Variants in LIPA observed in about 807,000 individuals in gnomAD.
LIPA encodes the protein lysosomal acid lipase/cholesteryl ester hydrolase.
In LIPA, 26 loss-of-function variants were observed where a neutral mutation model predicts 40.6. That is an observed-to-expected ratio of 0.64 (90% CI 0.47 to 0.89). The LOEUF is 0.89. Ranked by LOEUF, LIPA falls within the 40% of genes least tolerant of loss-of-function variation. The probability of loss-of-function intolerance (pLI) is 0.00; values close to 1 mark genes in which losing one functional copy is unlikely to be tolerated. For missense variants in LIPA, 455 were observed against 479.6 expected (o/e 0.95, Z 0.48); for synonymous variants, 188 against 168.4 (o/e 1.12, Z -0.90).
At chr10:89,310,564 A>T (rs557988880) in intron 1 of LIPA, among the ~76,000 whole-genome samples, 1 of 152,202 alleles carries the variant, frequency 6.6e-6, no homozygotes, top group African/African-American at 2.4e-5. Flanking sequence ...TTAATAGTGC[A>T]GCTACCTCAT....
intron 2 of LIPA, chr10:89,412,735 A>G (rs1161741040): frequency 4.3e-5 from 19 of 438,210 alleles, no homozygotes; most frequent in Admixed American, 2.8e-4. Context: ...GATCTGTAAC[A>G]CTCACTGTGA....
intron 1 of LIPA, among the ~76,000 whole-genome samples, chr10:89,304,350 A>C (rs1843464595): frequency 6.6e-6 from 1 of 152,164 alleles, no homozygotes; most frequent in Non-Finnish European, 1.5e-5. Context: ...ATGTCCAAAC[A>C]GATCTGTTTT....
At chr10:89,218,006 T>A (rs1842649511) in intron 8 of LIPA, among the ~76,000 whole-genome samples, 1 of 150,436 alleles carries the variant, frequency 6.6e-6, no homozygotes, top group African/African-American at 2.4e-5. Context: ...TCATAAATAA[T>A]ACTAAGTGGA....
At chr10:89,370,488 C>T (rs1328347493) in intron 2 of LIPA, among the ~76,000 whole-genome samples, 1 of 151,988 alleles carries the variant, frequency 6.6e-6, no homozygotes, top group Non-Finnish European at 1.5e-5. Flanking sequence ...TCCCAATTGG[C>T]CTTGGAAAGT....
intron 1 of LIPA, among the ~76,000 whole-genome samples, chr10:89,298,851 T>C (rs1050101899): frequency 2.0e-5 from 3 of 151,892 alleles, no homozygotes; most frequent in African/African-American, 7.3e-5. Flanking sequence ...CCAGGCACGG[T>C]GGTACATGCC....
chr10:89,292,196 TTTC>T (rs1361375781), intron 1 of LIPA: 1 of 152,214 alleles, frequency 6.6e-6, no homozygotes, highest in African/African-American at 2.4e-5. Context: ...GATAGCAATA[TTTC>T]TTCTTCTTTT....
chr10:89,226,789 A>G, intron 5 of LIPA, 106 bp downstream of exon 5: 3 of 715,788 alleles, frequency 4.2e-6, no homozygotes, highest in South Asian at 3.1e-5. Context: ...GCATTTAAAA[A>G]TAAATGGAAT....
At position 89,277,868 on chromosome 10, in the gene LIPA, C is replaced by T. The variant is rs530673407; in HGVS notation, c.-1-30219G>A. On this transcript the variant is annotated intron_variant, in intron 1 of 5. Coordinates refer to the LIPA transcript ENST00000282673. ...TCGTTGTTTTCAAAAATAAACAAACCCCTCCCCACTCTTTCCTTTCTCTTG... is the reference window on the plus strand; with the variant it reads ...TCGTTGTTTTCAAAAATAAACAAACTCCTCCCCACTCTTTCCTTTCTCTTG... 1.1e-4 allele frequency: 16 copies of T among 151,804 alleles called. No homozygotes were observed. In the East Asian group the frequency reaches 2.9e-3, roughly 28 times the overall value. The allele number at this position is 151,804 out of a possible 1,614,324, so 9.4% of individuals were successfully genotyped here.
intron 2 of LIPA, among the ~76,000 whole-genome samples, chr10:89,365,161 A>C (rs1467827065): frequency 6.6e-6 from 1 of 152,202 alleles, no homozygotes; most frequent in Non-Finnish European, 1.5e-5. Context: ...GTTTTATTCA[A>C]AAGAACATTA....
At position 89,214,215 on chromosome 10, in the gene LIPA, A is replaced by T. The variant is rs1842589310; in HGVS notation, c.*613T>A. 1 of 152,458 alleles carries T rather than the reference A, an allele frequency of 6.6e-6. No individual in the cohort carries two copies. Among genetic ancestry groups the T allele is most frequent in the African/African-American group, 2.4e-5 (1 of 41,432 alleles). 9.4% of individuals were successfully genotyped at this position (152,458 alleles called of 1,614,324 possible). On this transcript the variant is annotated 3_prime_UTR_variant, in exon 10 of 10. Transcript: ENST00000336233. Reference sequence around the variant, plus strand: ...ACTATTTCATTTAACCTGAGCAATTAAAACGTGTCAAATCACAGCTGTCAC... The same window carrying T: ...ACTATTTCATTTAACCTGAGCAATTTAAACGTGTCAAATCACAGCTGTCAC...
chr10:89,229,790 G>A (rs11813977), intron 3 of LIPA, among the ~76,000 whole-genome samples: 23,832 of 150,606 alleles, frequency 0.16, 2,147 homozygotes, highest in African/African-American at 0.24. Context: ...TGTAAACTAC[G>A]GACTTTGTGT....
intron 2 of LIPA, among the ~76,000 whole-genome samples, chr10:89,380,103 C>CATT (rs1844152288): frequency 6.6e-6 from 1 of 151,910 alleles, no homozygotes; most frequent in African/African-American, 2.4e-5. Flanking sequence ...GCAAGCCTTT[C>CATT]ATTCCCTGCT....
chr10:89,251,927 A>ACCAGCGCTGCCGCTTG (rs1172715533), upstream of LIPA: 1 of 153,434 alleles, frequency 6.5e-6, no homozygotes, highest in East Asian at 1.9e-4. Flanking sequence ...TCCGCCCCAG[A>ACCAGCGCTGCCGCTTG]CCAGCGCTGC....
intron 1 of LIPA, chr10:89,340,557 C>CG (rs758051343): frequency 8.2e-5 from 5 of 60,648 alleles, no homozygotes; most frequent in Middle Eastern, 8.8e-3. Flanking sequence ...GACTCCATCT[C>CG]AAAAAAAAAA....
intron 8 of LIPA, among the ~76,000 whole-genome samples, chr10:89,216,437 G>T (rs1842628504): frequency 6.7e-6 from 1 of 150,114 alleles, no homozygotes; most frequent in South Asian, 2.1e-4. Context: ...TAGAGAGAGA[G>T]AGAGAGAGAT....
At chr10:89,249,145 A>G (rs887590158) in intron 1 of LIPA, among the ~76,000 whole-genome samples, 3 of 152,192 alleles carry the variant, frequency 2.0e-5, no homozygotes, top group Non-Finnish European at 4.4e-5. Context: ...CATTCATGGG[A>G]AAAAAGTGAA....
At chr10:89,362,632 G>T in intron 2 of LIPA, 1 of 425,592 alleles carries the variant, frequency 2.3e-6, no homozygotes. Flanking sequence ...CACCACATAG[G>T]CAGACTGGCA....
chr10:89,306,613 T>C, intron 1 of LIPA: 1 of 1,614,026 alleles, frequency 6.2e-7, no homozygotes, highest in Non-Finnish European at 8.5e-7. Flanking sequence ...CTCTGAAGCT[T>C]CATAAGATGC....
intron 2 of LIPA, among the ~76,000 whole-genome samples, chr10:89,388,405 C>G (rs145597425): frequency 3.9e-5 from 6 of 152,008 alleles, no homozygotes; most frequent in African/African-American, 1.5e-4. Flanking sequence ...CGCGCCTGGC[C>G]GAAAAAAATT....
Sources: gnomAD v4.1 joint callset for allele counts (sites outside exome capture counted in the v4.1 genomes callset) on GRCh38, gnomAD v4.1.1 for gene constraint, MANE v1.5 for transcripts, NCBI Gene and HGNC (gene_info 2026-07-23, HGNC 2026-07-21) for gene names.